The following NEBL variants were observed in gnomAD, a reference collection of about 807,000 sequenced individuals.
The protein encoded by NEBL is LIM and SH3 protein 2.
In NEBL, 122 loss-of-function variants were observed where a neutral mutation model predicts 140.2. The observed-to-expected ratio is 0.87, with a 90% CI of 0.75 to 1.01. The LOEUF is 1.01. Among genes scored for constraint, NEBL ranks in the 50% least tolerant of loss-of-function variants. The pLI is 0.00. For synonymous variants in NEBL, 436 were observed against 398.9 expected (o/e 1.09, Z -1.11); for missense variants, 1,365 against 1,231.3 (o/e 1.11, Z -1.62).
intron 3 of NEBL, among the ~76,000 whole-genome samples, chr10:21,185,689 G>A (rs1387481713): frequency 2.0e-5 from 3 of 151,654 alleles, no homozygotes; most frequent in Admixed American, 1.3e-4. Context: ...TAGAGACGGG[G>A]TTTCGCCATG....
intron 17 of NEBL, among the ~76,000 whole-genome samples, chr10:20,827,280 C>T (rs1220717218): frequency 3.3e-5 from 5 of 152,272 alleles, no homozygotes; most frequent in Admixed American, 2.6e-4. Flanking sequence ...AGATGTTTTC[C>T]TCCAAAGGCT....
intron 3 of NEBL, among the ~76,000 whole-genome samples, chr10:21,221,265 A>G (rs1842062473): frequency 6.6e-6 from 1 of 152,214 alleles, no homozygotes; most frequent in Non-Finnish European, 1.5e-5. Flanking sequence ...CACTGTAAAT[A>G]TATACAACTT....
chr10:21,183,524 AC>A (rs1841417398), intron 3 of NEBL, among the ~76,000 whole-genome samples: 1 of 152,180 alleles, frequency 6.6e-6, no homozygotes, highest in African/African-American at 2.4e-5. Flanking sequence ...GTGAACAAAA[AC>A]CAAGAGTCTG....
At chr10:20,870,199 G>A (rs201596190) in intron 5 of NEBL, among the ~76,000 whole-genome samples, 4 of 151,550 alleles carry the variant, frequency 2.6e-5, no homozygotes, top group East Asian at 3.9e-4. Flanking sequence ...TGGTGTGTGC[G>A]CCTGTAATCC....
chr10:20,933,628 G>A lies in NEBL; in HGVS notation c.357+28044C>T, dbSNP rs766054978. On this transcript the variant is annotated intron_variant, in intron 4 of 6. Transcript: ENST00000417816. ...ACGTGCCTGTAATCCCAGCTACCTG[G>A]GAGGCTGAGGCAGAAGAATCACTTG... Among the ~76,000 whole-genome samples the A allele has an allele frequency of 3.5e-4, 53 of 152,182 alleles. 1 individual carries two copies. Among genetic ancestry groups the A allele is most frequent in the Non-Finnish European group, 5.3e-4 (36 of 68,026 alleles).
chr10:21,209,613 T>C (rs1841883300), intron 3 of NEBL, among the ~76,000 whole-genome samples: 1 of 151,750 alleles, frequency 6.6e-6, no homozygotes, highest in Non-Finnish European at 1.5e-5. Flanking sequence ...TTCCAGGAAG[T>C]TTCTCCTATC....
intron 4 of NEBL, among the ~76,000 whole-genome samples, chr10:20,951,818 G>T (rs1189376846): frequency 6.6e-6 from 1 of 152,104 alleles, no homozygotes; most frequent in Non-Finnish European, 1.5e-5. Flanking sequence ...GTCCCAAAAG[G>T]TATAATAAAA....
In NEBL at chr10:21,253,613, G is replaced by A. The variant is rs147273216; in HGVS notation, n.183-1785C>T. ...GGCTGGAGTGCAATGGCGCAATCTC[G>A]GCTCACCACAACTTCTGCCTCCTGG... On this transcript the variant is annotated intron_variant and non_coding_transcript_variant, in intron 1 of 8. Transcript: ENST00000675702. 3.0e-3 allele frequency among the ~76,000 whole-genome samples: 440 copies of A among 148,206 alleles called. 5 individuals are homozygous for A. Among genetic ancestry groups the A allele is most frequent in the African/African-American group, 9.9e-3 (398 of 40,154 alleles).
intron 4 of NEBL, among the ~76,000 whole-genome samples, chr10:20,927,964 G>T (rs1441387133): frequency 1.3e-5 from 2 of 152,050 alleles, no homozygotes; most frequent in Non-Finnish European, 2.9e-5. Context: ...AACTTTGCTA[G>T]GAGGTACTTT....
At chr10:20,909,634 G>T (rs949589523) in intron 4 of NEBL, among the ~76,000 whole-genome samples, 17 of 152,082 alleles carry the variant, frequency 1.1e-4, no homozygotes, top group African/African-American at 3.9e-4. Flanking sequence ...ATTGAAAATA[G>T]TATTATAGTA....
At chr10:20,819,288 G>C in intron 20 of NEBL, 136 bp downstream of exon 20, 1 of 1,382,576 alleles carries the variant, frequency 7.2e-7, no homozygotes. Flanking sequence ...TCATCATTTA[G>C]CTCTCATTAT....
intron 4 of NEBL, among the ~76,000 whole-genome samples, chr10:20,953,796 T>C (rs755986858): frequency 9.9e-5 from 15 of 151,942 alleles, no homozygotes; most frequent in Non-Finnish European, 1.9e-4. Flanking sequence ...AAGAGGAGTT[T>C]CAAGAAAAAG....
chr10:21,157,352 G>T (rs780186373), intron 2 of NEBL, among the ~76,000 whole-genome samples: 2 of 151,942 alleles, frequency 1.3e-5, no homozygotes, highest in African/African-American at 2.4e-5. Flanking sequence ...GGTGGATCAC[G>T]TGAGATCAGG....
chr10:20,862,016 T>C (rs1309011275), intron 7 of NEBL, among the ~76,000 whole-genome samples: 1 of 152,166 alleles, frequency 6.6e-6, no homozygotes. Context: ...AACAAGCCTG[T>C]TTTACACACG....
intron 26 of NEBL, among the ~76,000 whole-genome samples, chr10:20,802,512 T>C (rs11815973): frequency 0.03 from 4,545 of 152,210 alleles, 207 homozygotes; most frequent in African/African-American, 0.1. Flanking sequence ...GAAAAGTAGA[T>C]TGACAAGTAA....
At chr10:20,882,925 G>A (rs788957) in intron 4 of NEBL, among the ~76,000 whole-genome samples, 137,692 of 152,196 alleles carry the variant, frequency 0.9, 62,418 homozygotes, top group South Asian at 0.92. Context: ...CCCTAGCTGC[G>A]TCTATGTGGC....
chr10:20,956,478 TA>T (rs1424105823), intron 4 of NEBL, among the ~76,000 whole-genome samples: 1 of 152,186 alleles, frequency 6.6e-6, no homozygotes, highest in African/African-American at 2.4e-5. Flanking sequence ...TCTAGTCCAC[TA>T]AAGCAACATA....
intron 12 of NEBL, 104 bp downstream of exon 12, chr10:20,845,154 C>G: frequency 2.8e-6 from 2 of 720,940 alleles, no homozygotes; most frequent in Non-Finnish European, 4.8e-6. Flanking sequence ...AGAGTAATGC[C>G]TTAATATCTG....
intron 2 of NEBL, among the ~76,000 whole-genome samples, chr10:21,055,623 T>C (rs1175918411): frequency 6.6e-6 from 1 of 152,246 alleles, no homozygotes; most frequent in Non-Finnish European, 1.5e-5. Flanking sequence ...CTGTCATCCC[T>C]AAAATGGCAA....
Sources: gnomAD v4.1 joint callset for allele counts (sites outside exome capture counted in the v4.1 genomes callset) on GRCh38, gnomAD v4.1.1 for gene constraint, MANE v1.5 for transcripts, NCBI Gene and HGNC (gene_info 2026-07-23, HGNC 2026-07-21) for gene names.